Variants in TERF1 observed in about 807,000 individuals in gnomAD.
TERF1 encodes telomeric repeat binding factor 1, also known as telomeric repeat-binding factor 1.
TERF1 carries 20 observed loss-of-function variants against 55.1 expected under a neutral mutation model. That is an observed-to-expected ratio of 0.36 (90% confidence interval 0.26 to 0.53). The LOEUF (loss-of-function observed/expected upper bound fraction) is 0.53. Ranked by LOEUF, TERF1 falls within the 20% of genes least tolerant of loss-of-function variation. TERF1 has a pLI of 0.91. For missense variants in TERF1, 439 were observed against 535.7 expected, an observed-to-expected ratio of 0.82 and a Z score of 1.78; for synonymous variants, 168 against 181.2, an observed-to-expected ratio of 0.93 and a Z score of 0.59.
chr8:73,037,476 T>A (rs1476712518), intron 8 of TERF1, among the ~76,000 whole-genome samples: 1 of 109,108 alleles, frequency 9.2e-6, no homozygotes, highest in Non-Finnish European at 1.9e-5. Context: ...TAAAATATAT[T>A]AAATATATTT....
intron 7 of TERF1, 111 bp downstream of exon 7, chr8:73,030,506 A>C: frequency 1.6e-4 from 112 of 683,136 alleles, no homozygotes; most frequent in Non-Finnish European, 2.3e-4. Context: ...AGAATATCTC[A>C]GGGTCCTAGT....
chr8:73,035,500 G>A (rs1441532691), intron 8 of TERF1, among the ~76,000 whole-genome samples: 2 of 151,686 alleles, frequency 1.3e-5, no homozygotes, highest in South Asian at 4.2e-4. Context: ...AGAGAAGAAC[G>A]TGAATTCTGG....
At chr8:73,028,427 C>T (rs1809114928) in intron 6 of TERF1, among the ~76,000 whole-genome samples, 1 of 152,122 alleles carries the variant, frequency 6.6e-6, no homozygotes, top group African/African-American at 2.4e-5. Context: ...CCATTCAAAT[C>T]CATCCTTGAC....
intron 9 of TERF1, among the ~76,000 whole-genome samples, chr8:73,043,897 A>G (rs1809931257): frequency 6.6e-6 from 1 of 152,240 alleles, no homozygotes; most frequent in African/African-American, 2.4e-5. Flanking sequence ...AGTTTTTGAA[A>G]GAACAGAAAT....
At chr8:73,012,807 A>T (rs906371783) in intron 1 of TERF1, 2 of 418,888 alleles carry the variant, frequency 4.8e-6, no homozygotes, top group African/African-American at 4.1e-5. Context: ...ACTCATTAAA[A>T]TTTTAATTAG....
At chr8:73,025,438 C>T (rs1808940375) in intron 5 of TERF1, among the ~76,000 whole-genome samples, 1 of 150,526 alleles carries the variant, frequency 6.6e-6, no homozygotes, top group African/African-American at 2.4e-5. Flanking sequence ...GGTGAAACCC[C>T]TTATCTACAA....
chr8:73,023,404 A>G (rs55720559), intron 4 of TERF1, among the ~76,000 whole-genome samples: 278 of 152,292 alleles, frequency 1.8e-3, no homozygotes, highest in African/African-American at 6.4e-3. Flanking sequence ...TGATAATGTT[A>G]GTAGATAGAG....
Position 73,024,962 on chromosome 8 carries a change from TC to T in TERF1, c.766del (p.Leu256Ter). The T allele has an allele frequency of 6.4e-7, 1 of 1,558,670 alleles. No homozygotes were observed. Among genetic ancestry groups the T allele is most frequent in the Non-Finnish European group, 8.7e-7 (1 of 1,151,288 alleles). On this transcript the variant is annotated frameshift_variant, in exon 5 of 10. Coordinates refer to ENST00000276603, the MANE Select transcript of TERF1 (RefSeq NM_017489.3). LOFTEE classifies it high-confidence loss of function. ...YVLSEKSSTF[L>X]MKAAAKVVES... The stretch of plus-strand genomic sequence containing the variant: ...TGCTAAGTGAAAAATCATCAACCTT[TC>T]TAATGAAGGTATACATATTATTCAA...
intron 8 of TERF1, among the ~76,000 whole-genome samples, chr8:73,037,097 ATATAT>A (rs1248753196): frequency 2.1e-4 from 28 of 134,714 alleles, no homozygotes; most frequent in Admixed American, 6.8e-4. Context: ...AATATATATC[ATATAT>A]TATATAAAAC....
At chr8:73,042,786 G>C (rs1395065520) in intron 9 of TERF1, 1 of 152,130 alleles carries the variant, frequency 6.6e-6, no homozygotes, top group South Asian at 2.1e-4. Context: ...AAAAAGATTG[G>C]TGTGTTTTAA....
At chr8:73,034,538 A>C (rs80035032) in intron 8 of TERF1, among the ~76,000 whole-genome samples, 355 of 152,318 alleles carry the variant, frequency 2.3e-3, no homozygotes, top group African/African-American at 8.2e-3. Flanking sequence ...GATTACAGGC[A>C]TGAGCCACTG....
intron 4 of TERF1, among the ~76,000 whole-genome samples, chr8:73,024,097 A>T (rs780444810): frequency 1.8e-4 from 28 of 152,208 alleles, no homozygotes; most frequent in Non-Finnish European, 2.9e-4. Context: ...GCCAGCATTG[A>T]AAAAGCTACT....
intron 1 of TERF1, chr8:73,012,648 G>T (rs1267232721): frequency 4.3e-6 from 1 of 232,106 alleles, no homozygotes; most frequent in Non-Finnish European, 8.9e-6. Flanking sequence ...CTCCAGCCTG[G>T]GCGACAGAGC....
chr8:73,025,446 C>T (rs1808940792), intron 5 of TERF1, among the ~76,000 whole-genome samples: 1 of 149,058 alleles, frequency 6.7e-6, no homozygotes, highest in Non-Finnish European at 1.5e-5. Context: ...CCCTTATCTA[C>T]AAAAAAATAC....
In TERF1 at chr8:73,008,903, C is replaced by T. The variant is rs747176197; in HGVS notation, c.17C>T (p.Ser6Phe). 1.1e-5 allele frequency: 18 copies of T among 1,607,538 alleles called. No individual in the cohort carries two copies. The highest frequency in any genetic ancestry group is 6.7e-5 in the African/African-American group (5 of 74,878). MAEDV[S>F]SAAPSPRGCA... ...CCATTTAACATGGCGGAGGATGTTT[C>T]CTCAGCGGCCCCGAGCCCGCGGGGC... Residue 6 changes from serine to phenylalanine, a missense_variant, in exon 1 of 10, where the codon TCC becomes TTC. This residue lies in a region of TERF1 where 179 missense variants were observed against 152.6 expected (regional missense o/e 1.17). Transcript: ENST00000276603.
intron 1 of TERF1, chr8:73,012,428 G>A (rs1808315508): frequency 6.5e-6 from 1 of 152,874 alleles, no homozygotes; most frequent in African/African-American, 2.4e-5. Context: ...CCAGCACTTT[G>A]GGAGGCTGAG....
intron 8 of TERF1, among the ~76,000 whole-genome samples, chr8:73,037,766 T>TATATATAATATATATA (rs1563472086): frequency 9.4e-5 from 5 of 52,948 alleles, no homozygotes; most frequent in African/African-American, 2.7e-4. Flanking sequence ...TATTATATAG[T>TATATATAATATATATA]ATAATATATA....
At chr8:73,014,988 T>C (rs1808437378) in intron 2 of TERF1, among the ~76,000 whole-genome samples, 1 of 152,262 alleles carries the variant, frequency 6.6e-6, no homozygotes, top group Admixed American at 6.5e-5. Context: ...AAGTTGACAC[T>C]GTTGTTAACA....
chr8:73,014,718 G>A (rs569309483), intron 2 of TERF1, among the ~76,000 whole-genome samples: 1 of 152,200 alleles, frequency 6.6e-6, no homozygotes, highest in African/African-American at 2.4e-5. Flanking sequence ...ACATAAAACT[G>A]CTTGCTTATT....
Sources: allele counts gnomAD v4.1 joint callset (sites outside exome capture counted in the v4.1 genomes callset), GRCh38; gene constraint gnomAD v4.1.1; regional missense constraint gnomAD v4.1.1; transcripts MANE v1.5; gene names NCBI Gene and HGNC (gene_info 2026-07-23, HGNC 2026-07-21).